The following CAMTA1 variants were observed in gnomAD, a reference collection of about 807,000 sequenced individuals.
The protein encoded by CAMTA1 is calmodulin binding transcription activator 1, also known as calmodulin-binding transcription activator 1.
CAMTA1 carries 27 observed loss-of-function variants against 170.9 expected under a neutral mutation model. That is an observed-to-expected ratio of 0.16 (90% CI 0.12 to 0.22). The LOEUF is 0.22. Among genes scored for constraint, CAMTA1 ranks in the 10% least tolerant of loss-of-function variants. The pLI is 1.00. For missense variants in CAMTA1, 1,619 were observed against 2,217.2 expected (o/e 0.73, Z 5.42); for synonymous variants, 833 against 891.5 (o/e 0.93, Z 1.17).
intron 5 of CAMTA1, among the ~76,000 whole-genome samples, chr1:7,379,345 G>C (rs761967481): frequency 6.6e-6 from 1 of 152,174 alleles, no homozygotes; most frequent in Non-Finnish European, 1.5e-5. Context: ...TTGTGGTCTG[G>C]AGCAAAATAT....
intron 5 of CAMTA1, among the ~76,000 whole-genome samples, chr1:7,416,979 A>T (rs1259199884): frequency 1.3e-5 from 2 of 152,320 alleles, no homozygotes; most frequent in East Asian, 1.9e-4. Flanking sequence ...CTTCTAACAG[A>T]CAGGACCCTC....
At chr1:6,884,335 C>CATAA (rs776481131) in intron 3 of CAMTA1, among the ~76,000 whole-genome samples, 12 of 143,924 alleles carry the variant, frequency 8.3e-5, no homozygotes, top group African/African-American at 2.9e-4. Flanking sequence ...CACACACACA[C>CATAA]AATTTTGTTT....
At chr1:6,809,814 G>A (rs1644963163) in intron 1 of CAMTA1, among the ~76,000 whole-genome samples, 1 of 152,090 alleles carries the variant, frequency 6.6e-6, no homozygotes, top group African/African-American at 2.4e-5. Flanking sequence ...AGTGTGGAGG[G>A]TTGAAAGGAG....
intron 7 of CAMTA1, among the ~76,000 whole-genome samples, chr1:7,657,656 T>C (rs557669171): frequency 5.3e-4 from 80 of 152,306 alleles, no homozygotes; most frequent in Middle Eastern, 3.4e-3. Flanking sequence ...TTCCCACTGA[T>C]TCATTCCGTG....
Position 7,755,679 on chromosome 1 carries a change from C to G in CAMTA1, c.4989+11C>G. On this transcript the variant is annotated intron_variant, in intron 22 of 22. Transcript: ENST00000303635. ...AGGCTGTACAAAAGGGTGAGTTTAG[C>G]TGCCTGCTAGCCAGTTTCTCTTCTC... The G allele has an allele frequency of 6.2e-7, 1 of 1,613,314 alleles. No homozygotes were observed. The highest frequency in any genetic ancestry group is 8.5e-7 in the Non-Finnish European group (1 of 1,179,324).
chr1:7,036,489 A>G (rs1703616480), intron 3 of CAMTA1, among the ~76,000 whole-genome samples: 2 of 152,252 alleles, frequency 1.3e-5, no homozygotes, highest in African/African-American at 4.8e-5. Context: ...ATTATCACCT[A>G]TGAAGTAGGA....
chr1:6,995,538 G>A (rs1299640509), intron 3 of CAMTA1, among the ~76,000 whole-genome samples: 2 of 151,974 alleles, frequency 1.3e-5, no homozygotes, highest in African/African-American at 2.4e-5. Context: ...TCTTGACCTC[G>A]TGATCCGCCT....
intron 6 of CAMTA1, among the ~76,000 whole-genome samples, chr1:7,632,259 C>T (rs1317892557): frequency 2.0e-5 from 3 of 152,252 alleles, no homozygotes; most frequent in Non-Finnish European, 4.4e-5. Context: ...ATGCTGCTTC[C>T]TCGCCCGTCT....
chr1:6,788,483 C>T (rs1640079938), intron 1 of CAMTA1, among the ~76,000 whole-genome samples: 1 of 152,124 alleles, frequency 6.6e-6, no homozygotes, highest in East Asian at 1.9e-4. Context: ...GAAAGTAGAG[C>T]TTTTGAGCTC....
At chr1:7,491,685 G>A (rs1432349626) in intron 6 of CAMTA1, among the ~76,000 whole-genome samples, 1 of 152,222 alleles carries the variant, frequency 6.6e-6, no homozygotes, top group African/African-American at 2.4e-5. Flanking sequence ...TATTTAAAAT[G>A]ATTTTTGAGC....
chr1:7,464,774 G>T (rs2149526015), intron 5 of CAMTA1, among the ~76,000 whole-genome samples: 1 of 152,242 alleles, frequency 6.6e-6, no homozygotes, highest in Middle Eastern at 3.4e-3. Context: ...CATCCCGAGG[G>T]TTCCATTGCT....
At chr1:7,541,039 C>T (rs2094605184) in intron 6 of CAMTA1, among the ~76,000 whole-genome samples, 2 of 152,272 alleles carry the variant, frequency 1.3e-5, no homozygotes, top group African/African-American at 4.8e-5. Context: ...TGGCTGTTGC[C>T]AAAAAAGGGA....
At chr1:7,005,627 A>G (rs1698883324) in intron 3 of CAMTA1, among the ~76,000 whole-genome samples, 1 of 152,186 alleles carries the variant, frequency 6.6e-6, no homozygotes, top group Non-Finnish European at 1.5e-5. Flanking sequence ...TATCTAGGCA[A>G]TGACAAAAAG....
intron 4 of CAMTA1, among the ~76,000 whole-genome samples, chr1:7,127,141 G>T (rs1380700877): frequency 1.3e-5 from 2 of 152,118 alleles, no homozygotes; most frequent in Non-Finnish European, 2.9e-5. Flanking sequence ...CGCAGACGTG[G>T]GGCTAGCCGA....
intron 4 of CAMTA1, among the ~76,000 whole-genome samples, chr1:7,168,832 C>A (rs1362197208): frequency 6.6e-6 from 1 of 152,188 alleles, no homozygotes; most frequent in East Asian, 1.9e-4. Context: ...ATATTAATAG[C>A]AGGAACTCTT....
chr1:7,053,654 C>G (rs892069670), intron 3 of CAMTA1, among the ~76,000 whole-genome samples: 1 of 152,216 alleles, frequency 6.6e-6, no homozygotes, highest in African/African-American at 2.4e-5. Context: ...TCTGGGGACA[C>G]AGGCATCTTG....
chr1:7,386,246 C>T (rs868818495), intron 5 of CAMTA1, among the ~76,000 whole-genome samples: 1 of 152,226 alleles, frequency 6.6e-6, no homozygotes, highest in Admixed American at 6.5e-5. Flanking sequence ...TAGTCAGCTT[C>T]GCAGGCCCAA....
rs949817994 is a variant in CAMTA1, at chr1:7,391,221, T to G, written c.439-76609T>G. 2.6e-5 allele frequency among the ~76,000 whole-genome samples: 4 copies of G among 152,158 alleles called. No homozygotes were observed. In the East Asian group the frequency reaches 5.8e-4, roughly 22 times the overall value. On this transcript the variant is annotated intron_variant, in intron 5 of 22. Transcript: ENST00000303635. ...CATGTTGGTCAGGCTGGTCTCCAAC[T>G]CCTGACCTCAGGTGATCTGCCCACC...
At chr1:7,349,612 G>A (rs1055777278) in intron 5 of CAMTA1, among the ~76,000 whole-genome samples, 3 of 152,180 alleles carry the variant, frequency 2.0e-5, no homozygotes, top group Non-Finnish European at 4.4e-5. Context: ...TCCTCCTGAG[G>A]CCTCTGTCCT....
Sources: allele counts gnomAD v4.1 joint callset (sites outside exome capture counted in the v4.1 genomes callset), GRCh38; gene constraint gnomAD v4.1.1; transcripts MANE v1.5; gene names NCBI Gene and HGNC (gene_info 2026-07-23, HGNC 2026-07-21).